C9orf153: variants seen among roughly 807,000 people sequenced by gnomAD.
The protein encoded by C9orf153 is chromosome 9 open reading frame 153, also known as uncharacterized protein C9orf153.
A neutral mutation model predicts 9.0 loss-of-function variants in C9orf153; 10 were observed. The observed-to-expected ratio is 1.11, with a 90% CI of 0.69 to 1.89. C9orf153 has a LOEUF of 1.89. Among genes scored for constraint, C9orf153 ranks in the 40% most tolerant of loss-of-function variants. C9orf153 has a pLI of 0.00. For missense variants in C9orf153, 108 were observed against 111.0 expected (o/e 0.97, Z 0.12); for synonymous variants, 35 against 37.3 (o/e 0.94, Z 0.23).
rs543051973 is a variant in C9orf153 at position 86,235,057 on chromosome 9, C to T, written c.-26-5428G>A. Among the ~76,000 whole-genome samples the T allele has an allele frequency of 1.6e-3, 247 of 152,178 alleles. 1 individual carries two copies. The highest frequency in any genetic ancestry group is 5.8e-3 in the African/African-American group (239 of 41,510). On this transcript the variant is annotated intron_variant, in intron 1 of 3. Coordinates refer to ENST00000339137, the MANE Select transcript of C9orf153 (RefSeq NM_001276366.4). ...CAGCTTACTGAAGTAGGAAGCTCCT[C>T]GAGAACAGGGCAGAAGCCTCCAGAA...
chr9:86,222,286 T>A (rs1386529095), intron 3 of C9orf153, among the ~76,000 whole-genome samples: 1 of 152,136 alleles, frequency 6.6e-6, no homozygotes, highest in Middle Eastern at 3.4e-3. Context: ...TGGGCTTGAG[T>A]GGACCCTGCA....
At chr9:86,248,081 T>C (rs1348342060) in intron 1 of C9orf153, among the ~76,000 whole-genome samples, 1 of 152,204 alleles carries the variant, frequency 6.6e-6, no homozygotes, top group African/African-American at 2.4e-5. Flanking sequence ...TTTCCATTTG[T>C]CTGCACTGAG....
chr9:86,227,732 C>T (rs1824367961), intron 3 of C9orf153, 123 bp downstream of exon 3: 1 of 1,421,430 alleles, frequency 7.0e-7, no homozygotes, highest in Non-Finnish European at 9.2e-7. Context: ...GGAGATCCCA[C>T]ACTGTGACAG....
intron 1 of C9orf153, among the ~76,000 whole-genome samples, chr9:86,244,085 C>T: frequency 6.6e-6 from 1 of 152,066 alleles, no homozygotes; most frequent in Admixed American, 6.6e-5. Flanking sequence ...GTGAGTAGTC[C>T]AAATTGAGAT....
rs76179329 is a variant in C9orf153, at chr9:86,223,610, C to T, written c.243-1877G>A. 1.2e-4 allele frequency among the ~76,000 whole-genome samples: 19 copies of T among 152,246 alleles called. No individual in the cohort carries two copies. In the East Asian group the frequency reaches 3.5e-3, roughly 28 times the overall value. Reference sequence around the variant, plus strand: ...AAGAACTCTTATTCACCAGCCTTCCCTACAGGAAGGGGTGATGATTGGACA... The same window carrying T: ...AAGAACTCTTATTCACCAGCCTTCCTTACAGGAAGGGGTGATGATTGGACA... On this transcript the variant is annotated intron_variant, in intron 3 of 3. Coordinates refer to ENST00000339137, the MANE Select transcript of C9orf153 (RefSeq NM_001276366.4).
chr9:86,257,103 C>CTT (rs758604733), intron 1 of C9orf153, among the ~76,000 whole-genome samples: 1 of 152,216 alleles, frequency 6.6e-6, no homozygotes, highest in Non-Finnish European at 1.5e-5. Flanking sequence ...TAAAAACCCA[C>CTT]TTATAATTGC....
chr9:86,245,275 A>C (rs960322112), intron 1 of C9orf153, among the ~76,000 whole-genome samples: 1 of 152,180 alleles, frequency 6.6e-6, no homozygotes, highest in Non-Finnish European at 1.5e-5. Context: ...AAAACATATA[A>C]CAAAATTTAC....
intron 1 of C9orf153, among the ~76,000 whole-genome samples, chr9:86,245,934 G>T (rs1342748991): frequency 6.6e-6 from 1 of 152,198 alleles, no homozygotes; most frequent in Admixed American, 6.5e-5. Flanking sequence ...GATGATACTT[G>T]GGCACTGGGT....
chr9:86,229,761 T>C (rs1169923603), intron 1 of C9orf153, 132 bp from the exon 2 acceptor site: 1 of 582,108 alleles, frequency 1.7e-6, no homozygotes, highest in Non-Finnish European at 3.0e-6. Context: ...ATACCTGTAT[T>C]AGTCCATTCT....
chr9:86,247,541 G>C (rs1824896266), intron 1 of C9orf153, among the ~76,000 whole-genome samples: 2 of 152,002 alleles, frequency 1.3e-5, no homozygotes, highest in South Asian at 4.1e-4. Flanking sequence ...ACTTAGCCAG[G>C]CATAGTGGTG....
At position 86,229,591 on chromosome 9, in the gene C9orf153, C is replaced by T. The variant is rs1376212752; in HGVS notation, c.13G>A (p.Gly5Arg). ...TTGTCCTCAGCTGGACTGGTGTCTC[C>T]AGTGAGGAACATCGTGCTGGGATTT... Reference protein sequence around the residue: MFLTGDTSPAEDNRE... With the variant: MFLTRDTSPAEDNRE... Residue 5 changes from glycine (G) to arginine (R), a missense_variant, in exon 2 of 4, where the codon GGA (glycine) becomes AGA (arginine). Transcript: ENST00000339137. The T allele has an allele frequency of 1.2e-6, 2 of 1,611,806 alleles. No individual in the cohort carries two copies. Among genetic ancestry groups the T allele is most frequent in the Admixed American group, 1.7e-5 (1 of 59,944 alleles).
In C9orf153 at chr9:86,227,859, T is replaced by A; in HGVS notation, c.238A>T (p.Ile80Phe). 6.2e-7 allele frequency: 1 copy of A among 1,610,608 alleles called. No individual in the cohort carries two copies. The highest frequency in any genetic ancestry group is 1.1e-5 in the South Asian group (1 of 90,310). The change falls in exon 3 of 4, where the codon ATC becomes TTC. Residue 80 changes from isoleucine to phenylalanine, a missense_variant. Transcript: ENST00000339137. ...TCTTTTTTAACCACTGTGCACCTGA[T>A]AACAGGTTGGAGATCTCCTCTCACA... ...ADVRGDLQPV[I>F]RKTIHESKGS...
intron 1 of C9orf153, among the ~76,000 whole-genome samples, chr9:86,239,475 A>G (rs932231112): frequency 5.3e-5 from 8 of 152,250 alleles, no homozygotes; most frequent in Non-Finnish European, 1.0e-4. Flanking sequence ...TGTAGAAATT[A>G]CACATCATAG....
chr9:86,254,148 T>C (rs1825057986), intron 1 of C9orf153, among the ~76,000 whole-genome samples: 1 of 151,568 alleles, frequency 6.6e-6, no homozygotes, highest in South Asian at 2.1e-4. Flanking sequence ...GGTCCTACTA[T>C]ATTTTAACCT....
intron 1 of C9orf153, among the ~76,000 whole-genome samples, chr9:86,256,700 GTTAA>G (rs1825129392): frequency 6.6e-6 from 1 of 152,132 alleles, no homozygotes; most frequent in Admixed American, 6.6e-5. Flanking sequence ...TATGCCCAGG[GTTAA>G]TTGTTTAAAG....
intron 1 of C9orf153, chr9:86,258,217 C>G (rs1016152620): frequency 6.6e-6 from 1 of 151,720 alleles, no homozygotes; most frequent in East Asian, 1.9e-4. Flanking sequence ...TGGTGGGCGC[C>G]GGTAGTCCCA....
rs1463250002 is a variant in C9orf153 at position 86,220,673 on chromosome 9, G to A, written c.*1015C>T. The A allele has an allele frequency of 1.3e-5, 2 of 152,036 alleles. No individual in the cohort carries two copies. Among genetic ancestry groups the A allele is most frequent in the African/African-American group, 2.4e-5 (1 of 41,398 alleles). The allele number at this position is 152,036 out of a possible 1,614,324, so 9.4% of individuals were successfully genotyped here. ...CATAGTTTTGCTACAGTATTTCTGG[G>A]TATAGATTTATTTTCAATATCTTGC... On this transcript the variant is annotated 3_prime_UTR_variant, in exon 4 of 4. Coordinates refer to ENST00000339137, the MANE Select transcript of C9orf153 (RefSeq NM_001276366.4).
At chr9:86,250,139 A>G (rs565099223) in intron 1 of C9orf153, among the ~76,000 whole-genome samples, 2 of 152,298 alleles carry the variant, frequency 1.3e-5, no homozygotes, top group African/African-American at 4.8e-5. Flanking sequence ...AGAGCAGACA[A>G]TGGTTTCTGA....
chr9:86,244,310 A>G (rs1233044371), intron 1 of C9orf153, among the ~76,000 whole-genome samples: 1 of 152,154 alleles, frequency 6.6e-6, no homozygotes, highest in African/African-American at 2.4e-5. Context: ...TTGGCCTCAC[A>G]TGATCCTCCC....
Sources: allele counts gnomAD v4.1 joint callset (sites outside exome capture counted in the v4.1 genomes callset), GRCh38; gene constraint gnomAD v4.1.1; transcripts MANE v1.5; gene names NCBI Gene and HGNC (gene_info 2026-07-23, HGNC 2026-07-21).